ECPAS: variants seen among roughly 807,000 people sequenced by gnomAD.
ECPAS encodes proteasome adapter and scaffold protein ECM29.
A neutral mutation model predicts 255.1 loss-of-function variants in ECPAS; 70 were observed. The ratio of observed to expected loss-of-function variants is 0.27; its 90% CI spans 0.23 to 0.33. The LOEUF is 0.33. Among genes scored for constraint, ECPAS ranks in the 10% least tolerant of loss-of-function variants. ECPAS has a pLI of 1.00. For synonymous variants in ECPAS, 784 were observed against 775.0 expected, an observed-to-expected ratio of 1.01 and a Z score of -0.19; for missense variants, 1,817 against 2,206.4, an observed-to-expected ratio of 0.82 and a Z score of 3.54.
chr9:111,414,063 T>A, intron 19 of ECPAS, 77 bp from the exon 20 acceptor site: 1 of 927,098 alleles, frequency 1.1e-6, no homozygotes, highest in Non-Finnish European at 1.6e-6. Context: ...TCCTTTAAAG[T>A]ATAAGGCCAC....
At position 111,393,726 on chromosome 9, in the gene ECPAS, A is replaced by C. The variant is rs1168330719; in HGVS notation, c.2931T>G (p.Leu977=). The change falls in exon 27 of 50, where the codon CTT becomes CTG. Residue 977 remains leucine (L), a synonymous_variant. Transcript: ENST00000684092. ...LSTHKEVKSH[L]KEIQSAFVSV... ...AAACAAATGCACTTTGAATTTCTTT[A>C]AGATGAGACTGAAAGAAGAAAAAAG... 2 of 1,586,416 alleles carry C rather than the reference A, an allele frequency of 1.3e-6. No individual in the cohort carries two copies. The highest frequency in any genetic ancestry group is 4.5e-5 in the East Asian group (2 of 44,730).
Position 111,473,075 on chromosome 9 carries a change from C to T in ECPAS, c.-82-75G>A, listed in dbSNP as rs148946722. 1.3e-3 allele frequency: 462 copies of T among 346,578 alleles called. 5 individuals are homozygous for T. Among genetic ancestry groups the T allele is most frequent in the African/African-American group, 9.8e-3 (440 of 44,940 alleles). The allele number at this position is 346,578 out of a possible 1,614,324, so 21.5% of individuals were successfully genotyped here. ...GCTACAATTTTAAGAAAAAAATAAGCACTTTTCATTTCTTGTTAGATCTTT... is the reference window on the plus strand; with the variant it reads ...GCTACAATTTTAAGAAAAAAATAAGTACTTTTCATTTCTTGTTAGATCTTT... On this transcript the variant is annotated intron_variant, in intron 1 of 49. Transcript: ENST00000684092.
intron 31 of ECPAS, 138 bp from the exon 32 acceptor site, chr9:111,386,594 G>C (rs1335388167): frequency 1.6e-6 from 1 of 615,434 alleles, no homozygotes; most frequent in Non-Finnish European, 2.9e-6. Flanking sequence ...TGTCTCTCTA[G>C]GCCACTCAGC....
intron 24 of ECPAS, among the ~76,000 whole-genome samples, chr9:111,407,167 C>T (rs1258558357): frequency 6.8e-6 from 1 of 146,032 alleles, no homozygotes; most frequent in Non-Finnish European, 1.5e-5. Context: ...TTTGGGAGGC[C>T]GAGGTGGGCG....
chr9:111,423,374 G>C, intron 12 of ECPAS, 126 bp from the exon 13 acceptor site: 3 of 662,334 alleles, frequency 4.5e-6, no homozygotes, highest in Non-Finnish European at 7.8e-6. Context: ...TTAAACCTAG[G>C]TCTCACTCTG....
At chr9:111,424,945 G>A (rs150852966) in intron 12 of ECPAS, among the ~76,000 whole-genome samples, 8,458 of 152,188 alleles carry the variant, frequency 0.056, 570 homozygotes, top group African/African-American at 0.15. Flanking sequence ...CGAGGCAGGC[G>A]GATCACCTGA....
intron 2 of ECPAS, among the ~76,000 whole-genome samples, chr9:111,455,241 T>C (rs888042610): frequency 1.3e-5 from 2 of 152,118 alleles, no homozygotes; most frequent in African/African-American, 2.4e-5. Context: ...TCCCAGCACT[T>C]TGGGAGGCCA....
At position 111,419,951 on chromosome 9, in the gene ECPAS, CT is replaced by C; in HGVS notation, c.1559+65del. 3 of 1,183,572 alleles carry C rather than the reference CT, an allele frequency of 2.5e-6. No individual in the cohort carries two copies. The South Asian group carries it at 3.7e-5, about 15-fold the overall frequency. The allele number at this position is 1,183,572 out of a possible 1,614,324, so 73.3% of individuals were successfully genotyped here. A position where few individuals can be genotyped will look rare whatever the true frequency, so the allele number is the denominator to read the frequency against. ...TAGACCAACATTGTAAACAATACAACTTTTAGTAATTTTCAAATAAATTCAA... is the reference window on the plus strand; with the variant it reads ...TAGACCAACATTGTAAACAATACAACTTTAGTAATTTTCAAATAAATTCAA... On this transcript the variant is annotated intron_variant, in intron 16 of 49. Transcript: ENST00000684092.
At chr9:111,449,685 T>C (rs2098257738) in intron 3 of ECPAS, among the ~76,000 whole-genome samples, 1 of 152,172 alleles carries the variant, frequency 6.6e-6, no homozygotes, top group South Asian at 2.1e-4. Context: ...AATGCAAAAG[T>C]TCCCTGTTTG....
At chr9:111,463,577 T>A (rs996528221) in intron 2 of ECPAS, among the ~76,000 whole-genome samples, 4 of 152,130 alleles carry the variant, frequency 2.6e-5, no homozygotes, top group Admixed American at 1.3e-4. Flanking sequence ...TCAATCAGAT[T>A]TCAAGACTTA....
At chr9:111,365,973 C>T in intron 48 of ECPAS, 1 of 457,688 alleles carries the variant, frequency 2.2e-6, no homozygotes, top group Non-Finnish European at 3.9e-6. Context: ...TCGTTGCAAC[C>T]ATTCTGTAAG....
chr9:111,455,263 T>C (rs1365485411), intron 2 of ECPAS, among the ~76,000 whole-genome samples: 2 of 152,146 alleles, frequency 1.3e-5, no homozygotes, highest in East Asian at 3.9e-4. Flanking sequence ...GGAGGGCAGA[T>C]CATGAGGTCA....
chr9:111,433,228 G>A lies in ECPAS; in HGVS notation c.848+5C>T, dbSNP rs2098232684. On this transcript the variant is annotated splice_donor_5th_base_variant and intron_variant, in intron 8 of 49. Transcript: ENST00000684092. The stretch of plus-strand genomic sequence containing the variant: ...AATCTTGAAAGTTTACAGGGAAGTA[G>A]TTACCTCTGTTTGCTTTTCAATTCC... 1 of 1,613,306 alleles carries A rather than the reference G, an allele frequency of 6.2e-7. No homozygotes were observed. The highest frequency in any genetic ancestry group is 1.7e-5 in the Admixed American group (1 of 59,984).
chr9:111,429,875 T>C (rs1304963559), intron 9 of ECPAS, among the ~76,000 whole-genome samples: 2 of 152,114 alleles, frequency 1.3e-5, no homozygotes, highest in Non-Finnish European at 2.9e-5. Context: ...TGCAAACAAA[T>C]AATCCTTGTA....
In ECPAS at chr9:111,414,604, C is replaced by A. The variant is rs375107061; in HGVS notation, c.1812G>T (p.Val604=). The part of the protein sequence containing the change: ...RMCLAHSAGV[V]PTSQSLADMQ... Reference sequence around the variant, plus strand: ...TATCAGCCAAACTCTGAGAGGTGGGCACCACCCCCGCACTGTGCGCAAGGC... The same window carrying A: ...TATCAGCCAAACTCTGAGAGGTGGGAACCACCCCCGCACTGTGCGCAAGGC... The change falls in exon 19 of 50, where the codon GTG becomes GTT. Residue 604 remains valine (V), a synonymous_variant. Coordinates refer to ENST00000684092, the MANE Select transcript of ECPAS (RefSeq NM_001364929.1). 6.6e-5 allele frequency: 107 copies of A among 1,613,806 alleles called. No individual in the cohort carries two copies. In the African/African-American group the frequency reaches 1.3e-3, roughly 20 times the overall value.
chr9:111,397,263 C>A, intron 24 of ECPAS, 110 bp from the exon 25 acceptor site: 6 of 1,374,326 alleles, frequency 4.4e-6, no homozygotes, highest in African/African-American at 1.4e-5. Context: ...TTTGTTTTCA[C>A]TCTTTGCCCT....
intron 35 of ECPAS, among the ~76,000 whole-genome samples, chr9:111,382,260 C>CTTTTTTTTTTTTTT (rs35441317): frequency 9.3e-6 from 1 of 107,716 alleles, no homozygotes; most frequent in Non-Finnish European, 1.8e-5. Context: ...AAAAGTGATA[C>CTTTTTTTTTTTTTT]TTTTTTTTTT....
At chr9:111,437,571 T>C (rs1377659655) in intron 6 of ECPAS, among the ~76,000 whole-genome samples, 3 of 152,100 alleles carry the variant, frequency 2.0e-5, no homozygotes, top group African/African-American at 4.8e-5. Flanking sequence ...TGAACTGAGG[T>C]CTTTATCCCT....
intron 13 of ECPAS, among the ~76,000 whole-genome samples, 186 bp from the exon 14 acceptor site, chr9:111,422,386 C>A (rs1257352324): frequency 1.3e-5 from 2 of 152,170 alleles, no homozygotes; most frequent in Non-Finnish European, 2.9e-5. Context: ...TTGATTAACA[C>A]GCACATCTTC....
Sources: allele counts gnomAD v4.1 joint callset (sites outside exome capture counted in the v4.1 genomes callset), GRCh38; gene constraint gnomAD v4.1.1; transcripts MANE v1.5; gene names NCBI Gene and HGNC (gene_info 2026-07-23, HGNC 2026-07-21).